The following NSUN6 variants were observed in gnomAD, a reference collection of about 807,000 sequenced individuals.
NSUN6 encodes the protein NOP2/Sun RNA methyltransferase 6.
NSUN6 carries 64 observed loss-of-function variants against 58.0 expected under a neutral mutation model. That is an observed-to-expected ratio of 1.10 (90% CI 0.90 to 1.36). NSUN6 has a LOEUF of 1.36. Among genes scored for constraint, NSUN6 ranks in the 40% most tolerant of loss-of-function variants. The pLI is 0.00. For synonymous variants in NSUN6, 231 were observed against 193.9 expected (o/e 1.19, Z -1.59); for missense variants, 701 against 550.1 (o/e 1.27, Z -2.74).
chr10:18,610,724 T>C lies in NSUN6; in HGVS notation c.576-798A>G, dbSNP rs980308905. On this transcript the variant is annotated intron_variant, in intron 5 of 10. Transcript: ENST00000377304. ...AAGACAAACATCACAATCTCAGAGATGTTGTCAGAGGCTACTGAAGCAGAG... is the reference window on the plus strand; with the variant it reads ...AAGACAAACATCACAATCTCAGAGACGTTGTCAGAGGCTACTGAAGCAGAG... Among the ~76,000 whole-genome samples the C allele has an allele frequency of 2.3e-4, 35 of 152,136 alleles. 1 individual carries two copies. Among genetic ancestry groups the C allele is most frequent in the South Asian group, 6.2e-4 (3 of 4,824 alleles).
In NSUN6 at chr10:18,559,895, GGAATGGAATGGAATGGA is replaced by G. The variant is rs1318854153; in HGVS notation, c.923-7941_923-7925del. Among the ~76,000 whole-genome samples the G allele has an allele frequency of 3.9e-3, 576 of 147,518 alleles. 7 individuals carry two copies. Among genetic ancestry groups the G allele is most frequent in the African/African-American group, 0.014 (551 of 40,464 alleles). On this transcript the variant is annotated intron_variant, in intron 8 of 10. Transcript: ENST00000377304. ...TGCGGAATGGAATGCAATGGAAAGG[GGAATGGAATGGAATGGA>G]GAATGGATTGGAATGGAATGGAGAA...
chr10:18,595,115 C>G (rs1483060587), intron 7 of NSUN6, among the ~76,000 whole-genome samples: 1 of 152,132 alleles, frequency 6.6e-6, no homozygotes, highest in Non-Finnish European at 1.5e-5. Flanking sequence ...CATCCAAGAC[C>G]AAGTGAATGG....
intron 8 of NSUN6, among the ~76,000 whole-genome samples, chr10:18,579,141 A>C (rs6482534): frequency 0.62 from 94,288 of 152,096 alleles, 29,632 homozygotes; most frequent in East Asian, 0.98. Flanking sequence ...AGAATTATTT[A>C]TAGTTTAAGA....
chr10:18,620,091 A>AT (rs200450047), intron 3 of NSUN6, among the ~76,000 whole-genome samples: 11 of 147,810 alleles, frequency 7.4e-5, no homozygotes, highest in African/African-American at 1.5e-4. Flanking sequence ...AATAAAAAAA[A>AT]TTTTTTTTTT....
At chr10:18,587,335 C>T (rs2057196555) in intron 7 of NSUN6, among the ~76,000 whole-genome samples, 1 of 152,140 alleles carries the variant, frequency 6.6e-6, no homozygotes, top group Non-Finnish European at 1.5e-5. Context: ...ACATATAATT[C>T]CTGTGAACCC....
At position 18,614,447 on chromosome 10, in the gene NSUN6, C is replaced by T; in HGVS notation, c.575+13G>A. The T allele has an allele frequency of 4.1e-6, 6 of 1,459,296 alleles. No individual in the cohort carries two copies. The highest frequency in any genetic ancestry group is 4.6e-6 in the Non-Finnish European group (5 of 1,097,738). The allele number at this position is 1,459,296 out of a possible 1,614,324, so 90.4% of individuals were successfully genotyped here. ...AAAGGATGCTGATTTCCCCAAAGCA[C>T]CTGATGACATACTTCAGTTCAGGTA... is the stretch of plus-strand genomic sequence containing the variant. On this transcript the variant is annotated intron_variant, in intron 5 of 10. Coordinates refer to ENST00000377304, the MANE Select transcript of NSUN6 (RefSeq NM_182543.5).
intron 3 of NSUN6, among the ~76,000 whole-genome samples, chr10:18,640,654 C>CT (rs2059363586): frequency 6.6e-6 from 1 of 152,078 alleles, no homozygotes; most frequent in African/African-American, 2.4e-5. Flanking sequence ...TGGAAATGCT[C>CT]TATCTTGACT....
upstream of NSUN6, chr10:18,654,903 T>G (rs2059761588): frequency 5.2e-6 from 1 of 190,932 alleles, no homozygotes. Context: ...AATTAAAAAG[T>G]CTGGAAAGTA....
chr10:18,632,566 A>C (rs1044142458), intron 3 of NSUN6, among the ~76,000 whole-genome samples: 1 of 151,782 alleles, frequency 6.6e-6, no homozygotes, highest in Non-Finnish European at 1.5e-5. Flanking sequence ...CAAGAAAAAA[A>C]CAAACAACCC....
At chr10:18,606,226 C>G (rs2058042813) in intron 6 of NSUN6, among the ~76,000 whole-genome samples, 1 of 152,096 alleles carries the variant, frequency 6.6e-6, no homozygotes, top group Non-Finnish European at 1.5e-5. Context: ...TAGGCCTACT[C>G]ACAATCTCCA....
intron 6 of NSUN6, among the ~76,000 whole-genome samples, chr10:18,602,570 A>G (rs1223488757): frequency 6.6e-6 from 1 of 151,096 alleles, no homozygotes; most frequent in African/African-American, 2.4e-5. Context: ...GTGTTTCACC[A>G]TGTTGGCCAG....
chr10:18,549,716 C>T (rs185807623), intron 9 of NSUN6, among the ~76,000 whole-genome samples: 10 of 151,886 alleles, frequency 6.6e-5, no homozygotes, highest in African/African-American at 1.2e-4. Flanking sequence ...GTCTGAAATA[C>T]CTAAAGTTCA....
upstream of NSUN6, among the ~76,000 whole-genome samples, chr10:18,655,836 TGGAA>T (rs1291870774): frequency 6.6e-6 from 1 of 152,188 alleles, no homozygotes; most frequent in Non-Finnish European, 1.5e-5. Flanking sequence ...AAGTACCTGT[TGGAA>T]GGAGCATTTA....
rs988925849 is a variant in NSUN6 at position 18,651,346 on chromosome 10, G to A, written c.-143C>T. 1.3e-5 allele frequency: 18 copies of A among 1,388,698 alleles called. No individual in the cohort carries two copies. Among genetic ancestry groups the A allele is most frequent in the Non-Finnish European group, 1.6e-5 (17 of 1,077,902 alleles). The allele number at this position is 1,388,698 out of a possible 1,614,324, so 86.0% of individuals were successfully genotyped here. ...TGCCGATCACGCTGAGTTAATTTCG[G>A]AAATGCAGAGGTACACGCTTTCTCA... is the stretch of plus-strand genomic sequence containing the variant. On this transcript the variant is annotated 5_prime_UTR_variant, in exon 1 of 11. Coordinates refer to ENST00000377304, the MANE Select transcript of NSUN6 (RefSeq NM_182543.5).
chr10:18,600,963 T>TATATATATATATATAC (rs2057806967), intron 6 of NSUN6, among the ~76,000 whole-genome samples: 1 of 71,506 alleles, frequency 1.4e-5, no homozygotes, highest in African/African-American at 4.7e-5. Flanking sequence ...TATATATACA[T>TATATATATATATATAC]ATATATATAT....
At chr10:18,651,650 G>A (rs2059710208), upstream of NSUN6, 1 of 985,770 alleles carries the variant, frequency 1.0e-6, no homozygotes, top group Admixed American at 6.2e-5. Context: ...CGTCACGTCC[G>A]GCGCCTGCGG....
At chr10:18,652,288 C>T (rs1401588813), upstream of NSUN6, 21 of 984,688 alleles carry the variant, frequency 2.1e-5, no homozygotes, top group Admixed American at 2.5e-4. Flanking sequence ...TCTAACCAAA[C>T]TCACTGAGTC....
Position 18,651,439 on chromosome 10 carries a change from A to T in NSUN6, c.-236T>A, listed in dbSNP as rs2059703364. ...TCATCGAGGCAATGTTTTCTGGTAG[A>T]GATGCTCATGGAAATCACTGAGCCA... On this transcript the variant is annotated 5_prime_UTR_variant, in exon 1 of 11. Transcript: ENST00000377304. 1.2e-5 allele frequency: 15 copies of T among 1,219,534 alleles called. No homozygotes were observed. Among genetic ancestry groups the T allele is most frequent in the Non-Finnish European group, 1.5e-5 (15 of 978,628 alleles). The allele number at this position is 1,219,534 out of a possible 1,614,324, so 75.5% of individuals were successfully genotyped here.
chr10:18,628,265 C>G (rs2058897373), intron 3 of NSUN6, among the ~76,000 whole-genome samples: 1 of 152,144 alleles, frequency 6.6e-6, no homozygotes, highest in Admixed American at 6.5e-5. Flanking sequence ...ACATCACCAT[C>G]ATCAAAGACC....
Sources: allele counts gnomAD v4.1 joint callset (sites outside exome capture counted in the v4.1 genomes callset), GRCh38; gene constraint gnomAD v4.1.1; transcripts MANE v1.5; gene names NCBI Gene and HGNC (gene_info 2026-07-23, HGNC 2026-07-21).